Variants in HS3ST4 observed in about 807,000 individuals in gnomAD.
The protein encoded by HS3ST4 is heparan sulfate glucosamine 3-O-sulfotransferase 4.
Under a neutral mutation model 29.2 loss-of-function variants are expected in HS3ST4, and 17 were observed. The observed-to-expected ratio is 0.58, with a 90% CI of 0.40 to 0.87. The LOEUF is 0.87. HS3ST4 is among the 40% of genes least tolerant of loss of function. The pLI, the probability that HS3ST4 is intolerant of heterozygous loss-of-function variation, is 0.00. For missense variants in HS3ST4, 627 were observed against 634.5 expected (o/e 0.99, Z 0.13); for synonymous variants, 314 against 285.7 (o/e 1.10, Z -1.00).
rs139440867 is a variant in HS3ST4, at chr16:25,711,898, G to A, written c.734+18747G>A. Among the ~76,000 whole-genome samples, 672 of 152,098 alleles carry A rather than the reference G, an allele frequency of 4.4e-3. 1 individual carries two copies. The highest frequency in any genetic ancestry group is 0.014 in the Middle Eastern group (4 of 294). On this transcript the variant is annotated intron_variant, in intron 1 of 1. Transcript: ENST00000331351. ...CTCGCCTCAGCCTCCCAAAGTGCTGGGATTATAGGCATAAGCCACTGTGCC... is the reference window on the plus strand; with the variant it reads ...CTCGCCTCAGCCTCCCAAAGTGCTGAGATTATAGGCATAAGCCACTGTGCC...
intron 1 of HS3ST4, among the ~76,000 whole-genome samples, chr16:25,895,773 G>C (rs1968056746): frequency 6.6e-6 from 1 of 151,984 alleles, no homozygotes; most frequent in South Asian, 2.1e-4. Context: ...CATCTTCCTT[G>C]TGTCTCTTCT....
chr16:26,089,440 G>T (rs542228552), intron 1 of HS3ST4, among the ~76,000 whole-genome samples: 1 of 152,186 alleles, frequency 6.6e-6, no homozygotes, highest in Non-Finnish European at 1.5e-5. Context: ...AACAGGAGCC[G>T]TAGAGATTAG....
chr16:25,822,351 ACCT>A (rs971151651), intron 1 of HS3ST4, among the ~76,000 whole-genome samples: 2 of 151,756 alleles, frequency 1.3e-5, no homozygotes, highest in African/African-American at 4.8e-5. Context: ...TACCCTCGTG[ACCT>A]CCTCTCCTCC....
chr16:25,767,937 CCCCTAAGG>C (rs1387102596), intron 1 of HS3ST4, among the ~76,000 whole-genome samples: 1 of 152,202 alleles, frequency 6.6e-6, no homozygotes. Context: ...CACTGTGCCA[CCCCTAAGG>C]GTGGGTACAT....
At chr16:25,792,011 T>A (rs1274234318) in intron 1 of HS3ST4, among the ~76,000 whole-genome samples, 2 of 151,994 alleles carry the variant, frequency 1.3e-5, no homozygotes, top group Non-Finnish European at 2.9e-5. Flanking sequence ...GTTGCTTTTT[T>A]GTTAGATTTT....
chr16:26,056,442 C>T (rs751528826), intron 1 of HS3ST4, among the ~76,000 whole-genome samples: 2 of 152,218 alleles, frequency 1.3e-5, no homozygotes, highest in Non-Finnish European at 2.9e-5. Flanking sequence ...AAGACAGTCT[C>T]TGAGCTGAGG....
At chr16:26,016,002 A>C (rs1203293139) in intron 1 of HS3ST4, among the ~76,000 whole-genome samples, 1 of 152,104 alleles carries the variant, frequency 6.6e-6, no homozygotes, top group Non-Finnish European at 1.5e-5. Context: ...GATATTATAC[A>C]ATGCACAAGG....
Position 26,135,614 on chromosome 16 carries a change from A to T in HS3ST4, c.737A>T (p.Asn246Ile), listed in dbSNP as rs761873463. Residue 246 changes from asparagine to isoleucine, a missense_variant and splice_region_variant, in exon 2 of 2, where the codon AAT becomes ATT. By Grantham distance (149) the Asn-to-Ile change is moderately radical. This residue lies in a region of HS3ST4 where 225 missense variants were observed against 293.7 expected (regional missense o/e 0.77). Coordinates refer to ENST00000331351, the MANE Select transcript of HS3ST4 (RefSeq NM_006040.3). The stretch of plus-strand genomic sequence containing the variant: ...TTCCTTTTTCCTCCCTCTCCTAGAA[A>T]TGTGATGCCCAAGACTTTGGATGGG... ...NYEKGLEWYR[N>I]VMPKTLDGQI... 1.9e-6 allele frequency: 3 copies of T among 1,587,426 alleles called. No individual in the cohort carries two copies. Among genetic ancestry groups the T allele is most frequent in the South Asian group, 1.2e-5 (1 of 86,034 alleles).
chr16:25,956,775 C>T (rs1250174510), intron 1 of HS3ST4, among the ~76,000 whole-genome samples: 1 of 151,674 alleles, frequency 6.6e-6, no homozygotes, highest in African/African-American at 2.4e-5. Flanking sequence ...GAGGCGGGCA[C>T]ATCATGAGGT....
chr16:25,995,845 G>A (rs761192717), intron 1 of HS3ST4, among the ~76,000 whole-genome samples: 1 of 152,138 alleles, frequency 6.6e-6, no homozygotes, highest in Non-Finnish European at 1.5e-5. Context: ...TTTGCACATA[G>A]TAGGTGAACA....
At chr16:25,997,965 G>C (rs765710282) in intron 1 of HS3ST4, among the ~76,000 whole-genome samples, 3 of 152,172 alleles carry the variant, frequency 2.0e-5, no homozygotes, top group Non-Finnish European at 2.9e-5. Flanking sequence ...GCCAGGCATG[G>C]TGATTCATGC....
At chr16:25,797,134 C>T (rs968385054) in intron 1 of HS3ST4, among the ~76,000 whole-genome samples, 3 of 152,146 alleles carry the variant, frequency 2.0e-5, no homozygotes, top group Non-Finnish European at 4.4e-5. Context: ...TTGCATGCCG[C>T]GTCCAAAATA....
Position 26,127,008 on chromosome 16 carries a change from A to G in HS3ST4, c.735-8604A>G, listed in dbSNP as rs1012265278. Among the ~76,000 whole-genome samples the G allele has an allele frequency of 2.1e-4, 32 of 151,920 alleles. 1 individual carries two copies. The highest frequency in any genetic ancestry group is 7.7e-4 in the African/African-American group (32 of 41,398). ...AAGGGAATAGCTACCCTCCTTGGCA[A>G]TGGGAGTGTGTGATGGTGGTGGTGG... On this transcript the variant is annotated intron_variant, in intron 1 of 1. Coordinates refer to ENST00000331351, the MANE Select transcript of HS3ST4 (RefSeq NM_006040.3).
chr16:25,931,509 A>G (rs1968463491), intron 1 of HS3ST4, among the ~76,000 whole-genome samples: 1 of 152,236 alleles, frequency 6.6e-6, no homozygotes, highest in East Asian at 1.9e-4. Context: ...TATCTTGGTG[A>G]AATTCAGATT....
chr16:25,949,960 A>G (rs1313930463), intron 1 of HS3ST4, among the ~76,000 whole-genome samples: 1 of 152,208 alleles, frequency 6.6e-6, no homozygotes, highest in Non-Finnish European at 1.5e-5. Flanking sequence ...GGGGAGGGTC[A>G]TCAGGGTCTC....
At chr16:25,949,341 G>A (rs569298608) in intron 1 of HS3ST4, among the ~76,000 whole-genome samples, 3 of 152,070 alleles carry the variant, frequency 2.0e-5, no homozygotes, top group Middle Eastern at 3.4e-3. Context: ...CCCATTCACC[G>A]TCCCCACCTT....
chr16:25,709,187 C>G (rs1021072824), intron 1 of HS3ST4, among the ~76,000 whole-genome samples: 3 of 151,884 alleles, frequency 2.0e-5, no homozygotes, highest in Non-Finnish European at 4.4e-5. Context: ...GTTCTCAAAA[C>G]TTCTCTCCTT....
chr16:25,998,668 CA>C (rs1274684635), intron 1 of HS3ST4, among the ~76,000 whole-genome samples: 2 of 152,016 alleles, frequency 1.3e-5, no homozygotes, highest in African/African-American at 4.8e-5. Context: ...TAAGACTTGC[CA>C]AAAAATTCTC....
intron 1 of HS3ST4, among the ~76,000 whole-genome samples, chr16:25,796,086 C>T (rs975957943): frequency 1.3e-5 from 2 of 152,142 alleles, no homozygotes; most frequent in Admixed American, 1.3e-4. Context: ...ATATTTCCTC[C>T]TCAAGCCCTT....
Sources: gnomAD v4.1 joint callset for allele counts (sites outside exome capture counted in the v4.1 genomes callset) on GRCh38, gnomAD v4.1.1 for gene constraint, gnomAD v4.1.1 regional missense constraint, MANE v1.5 for transcripts, NCBI Gene and HGNC (gene_info 2026-07-23, HGNC 2026-07-21) for gene names.